Variants in FTO observed in about 807,000 individuals in gnomAD.
FTO encodes the protein alpha-ketoglutarate-dependent dioxygenase FTO.
In FTO, 47 loss-of-function variants were observed where a neutral mutation model predicts 63.9. The observed-to-expected ratio is 0.74, with a 90% CI of 0.58 to 0.94. FTO has a LOEUF of 0.94. Among genes scored for constraint, FTO ranks in the 40% least tolerant of loss-of-function variants. The probability of loss-of-function intolerance (pLI) is 0.00; values close to 1 mark genes in which losing one functional copy is unlikely to be tolerated. For synonymous variants in FTO, 207 were observed against 224.4 expected (o/e 0.92, Z 0.69); for missense variants, 562 against 618.1 (o/e 0.91, Z 0.96).
rs1229272052 is a variant in FTO, at chr16:54,116,749, C to T, written c.*4834C>T. 6.6e-6 allele frequency: 1 copy of T among 152,146 alleles called. No individual in the cohort carries two copies. Among genetic ancestry groups the T allele is most frequent in the East Asian group, 1.9e-4 (1 of 5,184 alleles). 9.4% of individuals were successfully genotyped at this position (152,146 alleles called of 1,614,324 possible). Reference sequence around the variant, plus strand: ...GCATTCACCTGGTTCTCTCGCTCACCTGAGACACCCGATAGATTCCTGGAA... The same window carrying T: ...GCATTCACCTGGTTCTCTCGCTCACTTGAGACACCCGATAGATTCCTGGAA... On this transcript the variant is annotated 3_prime_UTR_variant, in exon 9 of 9. Transcript: ENST00000471389.
At chr16:54,084,525 C>G (rs1250105394) in intron 8 of FTO, among the ~76,000 whole-genome samples, 4 of 152,156 alleles carry the variant, frequency 2.6e-5, no homozygotes, top group African/African-American at 9.7e-5. Context: ...GGGACTTAAA[C>G]AGTGTATTTT....
At chr16:53,847,421 C>T (rs1245436473) in intron 4 of FTO, among the ~76,000 whole-genome samples, 3 of 152,162 alleles carry the variant, frequency 2.0e-5, no homozygotes, top group Non-Finnish European at 4.4e-5. Context: ...TAATGATATT[C>T]TGTTTGTTTC....
intron 8 of FTO, among the ~76,000 whole-genome samples, chr16:53,936,247 C>T (rs753862726): frequency 6.6e-6 from 1 of 152,224 alleles, no homozygotes; most frequent in Non-Finnish European, 1.5e-5. Context: ...AAGAGCTTAA[C>T]AGCTGACACT....
intron 8 of FTO, among the ~76,000 whole-genome samples, chr16:54,057,749 G>A (rs1447572351): frequency 4.0e-5 from 6 of 151,832 alleles, no homozygotes; most frequent in African/African-American, 7.3e-5. Context: ...TTGTATGCTC[G>A]CCCGATATAT....
At chr16:53,951,958 CAT>C (rs748246282) in intron 8 of FTO, among the ~76,000 whole-genome samples, 3 of 152,056 alleles carry the variant, frequency 2.0e-5, no homozygotes, top group East Asian at 1.9e-4. Context: ...GGTGCAGAAA[CAT>C]ATGTTTCAAT....
In FTO at chr16:54,094,914, C is replaced by T. The variant is rs551650364; in HGVS notation, c.1365-16848C>T. Among the ~76,000 whole-genome samples the T allele has an allele frequency of 1.2e-4, 18 of 152,268 alleles. 1 individual carries two copies. The highest frequency in any genetic ancestry group is 6.8e-3 in the Middle Eastern group (2 of 294). ...TATCATCCTCCTGCTTAAAACCCTC[C>T]GGCGGTTCCCCATCTCACTTAGAGT... On this transcript the variant is annotated intron_variant, in intron 8 of 8. Transcript: ENST00000471389.
intron 1 of FTO, among the ~76,000 whole-genome samples, chr16:53,739,291 T>C (rs572920978): frequency 3.7e-4 from 57 of 152,072 alleles, no homozygotes; most frequent in South Asian, 3.7e-3. Flanking sequence ...CTGCAAGCTC[T>C]GCCTCCTGGG....
intron 8 of FTO, among the ~76,000 whole-genome samples, chr16:54,068,023 A>G (rs560401725): frequency 6.6e-6 from 1 of 150,564 alleles, no homozygotes. Flanking sequence ...TGCTGCTTTC[A>G]TAGGAATTTT....
intron 1 of FTO, among the ~76,000 whole-genome samples, chr16:53,754,835 A>G (rs2076881615): frequency 6.6e-6 from 1 of 152,172 alleles, no homozygotes; most frequent in South Asian, 2.1e-4. Context: ...CTTTTTTTAG[A>G]TTATTTCTGA....
chr16:53,969,310 G>T (rs1308558168), intron 8 of FTO, among the ~76,000 whole-genome samples: 1 of 152,086 alleles, frequency 6.6e-6, no homozygotes, highest in Non-Finnish European at 1.5e-5. Context: ...TCTCTTGCCT[G>T]AATAACAGTT....
chr16:53,878,893 C>A lies in FTO; in HGVS notation c.976-951C>A, dbSNP rs189288838. Among the ~76,000 whole-genome samples, 7 of 152,304 alleles carry A rather than the reference C, an allele frequency of 4.6e-5. No homozygotes were observed. The East Asian group carries it at 1.3e-3, about 29-fold the overall frequency. On this transcript the variant is annotated intron_variant, in intron 5 of 8. Coordinates refer to ENST00000471389, the MANE Select transcript of FTO (RefSeq NM_001080432.3). ...TTTGAATGTGCCTTGAGGGCTTAAG[C>A]CAAATATTCTCCATTATTTGAAGAA... is the stretch of plus-strand genomic sequence containing the variant.
At chr16:53,829,107 G>A (rs2079081786) in intron 3 of FTO, among the ~76,000 whole-genome samples, 2 of 152,130 alleles carry the variant, frequency 1.3e-5, no homozygotes, top group Non-Finnish European at 2.9e-5. Flanking sequence ...AGCCAGGCTG[G>A]TCTCAAACTC....
rs113212181 is a variant in FTO, at chr16:53,977,127, T to G, written c.1364+43018T>G. On this transcript the variant is annotated intron_variant, in intron 8 of 8. Transcript: ENST00000471389. Reference sequence around the variant, plus strand: ...CAGTTAACCTGGAGATTTGCTGAGATTTCTGATCAATATCCTTTATTAAGT... The same window carrying G: ...CAGTTAACCTGGAGATTTGCTGAGAGTTCTGATCAATATCCTTTATTAAGT... 7.0e-3 allele frequency among the ~76,000 whole-genome samples: 1,061 copies of G among 152,272 alleles called. 6 individuals are homozygous for G. Among genetic ancestry groups the G allele is most frequent in the African/African-American group, 0.021 (885 of 41,564 alleles).
At chr16:54,074,927 TGTGTG>T (rs1433365912) in intron 8 of FTO, among the ~76,000 whole-genome samples, 1 of 145,824 alleles carries the variant, frequency 6.9e-6, no homozygotes, top group Non-Finnish European at 1.5e-5. Context: ...AGTGTGTGTG[TGTGTG>T]TGTGTGTGTG....
At chr16:54,004,183 A>G (rs2084137348) in intron 8 of FTO, among the ~76,000 whole-genome samples, 1 of 152,188 alleles carries the variant, frequency 6.6e-6, no homozygotes, top group Non-Finnish European at 1.5e-5. Flanking sequence ...AAAATGCTTG[A>G]TGATTTTTAC....
chr16:53,708,852 C>T (rs1158362320), intron 1 of FTO, among the ~76,000 whole-genome samples: 1 of 152,098 alleles, frequency 6.6e-6, no homozygotes, highest in Non-Finnish European at 1.5e-5. Context: ...AATCTTTGCC[C>T]ATTTTTTTGT....
chr16:53,874,916 G>A (rs1386062699), intron 5 of FTO, among the ~76,000 whole-genome samples: 2 of 152,074 alleles, frequency 1.3e-5, no homozygotes, highest in Admixed American at 6.6e-5. Flanking sequence ...AGATAGAGCC[G>A]TCAACATGCC....
intron 8 of FTO, among the ~76,000 whole-genome samples, chr16:54,036,070 G>A (rs886233630): frequency 6.6e-6 from 1 of 152,124 alleles, no homozygotes; most frequent in Non-Finnish European, 1.5e-5. Context: ...CCCCTGAGGA[G>A]TGAAGGAAAT....
intron 1 of FTO, among the ~76,000 whole-genome samples, chr16:53,789,867 T>C (rs1419440439): frequency 5.8e-4 from 9 of 15,578 alleles, no homozygotes; most frequent in Admixed American, 3.2e-3. Context: ...AATGTATGTA[T>C]ATATATACAA....
Sources: allele counts gnomAD v4.1 joint callset (sites outside exome capture counted in the v4.1 genomes callset), GRCh38; gene constraint gnomAD v4.1.1; transcripts MANE v1.5; gene names NCBI Gene and HGNC (gene_info 2026-07-23, HGNC 2026-07-21).